Variants in PDGFD observed in about 807,000 individuals in gnomAD.
PDGFD encodes platelet derived growth factor D.
In PDGFD, 30 loss-of-function variants were observed where a neutral mutation model predicts 44.7. The ratio of observed to expected loss-of-function variants is 0.67; its 90% confidence interval spans 0.50 to 0.91. The LOEUF (loss-of-function observed/expected upper bound fraction) is 0.91. Ranked by LOEUF, PDGFD falls within the 40% of genes least tolerant of loss-of-function variation. PDGFD has a pLI of 0.00. For synonymous variants in PDGFD, 173 were observed against 168.4 expected, an observed-to-expected ratio of 1.03 and a Z score of -0.21; for missense variants, 445 against 457.8, an observed-to-expected ratio of 0.97 and a Z score of 0.25.
intron 1 of PDGFD, among the ~76,000 whole-genome samples, chr11:104,076,489 T>C (rs977278508): frequency 6.6e-6 from 1 of 152,188 alleles, no homozygotes; most frequent in Admixed American, 6.5e-5. Context: ...ATGAGAATTT[T>C]CTAATTTTGT....
chr11:104,158,521 G>T (rs1862340870), intron 1 of PDGFD, among the ~76,000 whole-genome samples: 1 of 152,234 alleles, frequency 6.6e-6, no homozygotes, highest in Non-Finnish European at 1.5e-5. Flanking sequence ...TATACAGGAG[G>T]CATTAGGGAT....
In PDGFD at chr11:103,959,621, T is replaced by C. The variant is rs143217070; in HGVS notation, c.511-11897A>G. 4.6e-3 allele frequency among the ~76,000 whole-genome samples: 707 copies of C among 152,332 alleles called. 4 individuals are homozygous for C. Among genetic ancestry groups the C allele is most frequent in the African/African-American group, 0.015 (635 of 41,574 alleles). On this transcript the variant is annotated intron_variant, in intron 3 of 6. Transcript: ENST00000393158. ...TATCTGGGCCCATTAGGTGAACTTG[T>C]TGGAACTGAGTGCCAAGCACACAGG... is the stretch of plus-strand genomic sequence containing the variant.
chr11:103,977,950 G>A (rs1859208220), intron 3 of PDGFD, among the ~76,000 whole-genome samples: 1 of 152,068 alleles, frequency 6.6e-6, no homozygotes, highest in Non-Finnish European at 1.5e-5. Context: ...TTAGAAAAGG[G>A]TTAAAGAAGG....
At chr11:103,984,845 T>C (rs1012768297) in intron 3 of PDGFD, among the ~76,000 whole-genome samples, 2 of 143,198 alleles carry the variant, frequency 1.4e-5, no homozygotes, top group Admixed American at 7.2e-5. Flanking sequence ...TTAATTTATT[T>C]AATATATAAT....
At chr11:104,139,410 G>A (rs1862052640) in intron 1 of PDGFD, among the ~76,000 whole-genome samples, 1 of 152,104 alleles carries the variant, frequency 6.6e-6, no homozygotes, top group Non-Finnish European at 1.5e-5. Context: ...GGGAAAAGCT[G>A]AGCACTAACT....
At chr11:103,968,379 G>A (rs901256169) in intron 3 of PDGFD, among the ~76,000 whole-genome samples, 2 of 151,982 alleles carry the variant, frequency 1.3e-5, no homozygotes, top group Non-Finnish European at 2.9e-5. Context: ...CATCTCCTAC[G>A]GGACGTCTGA....
At chr11:103,930,134 A>C (rs1336377162) in intron 5 of PDGFD, among the ~76,000 whole-genome samples, 2 of 152,134 alleles carry the variant, frequency 1.3e-5, no homozygotes, top group African/African-American at 2.4e-5. Context: ...ACATCAATTA[A>C]GTTTTTTGGG....
chr11:104,020,418 T>TA (rs1367901889), intron 1 of PDGFD, among the ~76,000 whole-genome samples: 6 of 152,078 alleles, frequency 3.9e-5, no homozygotes, highest in Admixed American at 3.3e-4. Flanking sequence ...TAAATGTAAG[T>TA]AAAAAATGGA....
chr11:104,154,354 A>G (rs189601829), intron 1 of PDGFD, among the ~76,000 whole-genome samples: 1 of 152,282 alleles, frequency 6.6e-6, no homozygotes, highest in African/African-American at 2.4e-5. Flanking sequence ...TTCTATCACC[A>G]TTTGAAATTT....
At chr11:104,011,721 C>T (rs1333374464) in intron 1 of PDGFD, among the ~76,000 whole-genome samples, 3 of 152,008 alleles carry the variant, frequency 2.0e-5, no homozygotes, top group Non-Finnish European at 1.5e-5. Flanking sequence ...ACTTGTAAAA[C>T]ATTTATAAAG....
rs1376484042 is a variant in PDGFD, at chr11:103,907,288, T to C, written c.*2406A>G. 2 of 152,148 alleles carry C rather than the reference T, an allele frequency of 1.3e-5. No homozygotes were observed. The highest frequency in any genetic ancestry group is 4.8e-5 in the African/African-American group (2 of 41,434). 9.4% of individuals were successfully genotyped at this position (152,148 alleles called of 1,614,324 possible). A position where few individuals can be genotyped will look rare whatever the true frequency, so the allele number is the denominator to read the frequency against. On this transcript the variant is annotated 3_prime_UTR_variant, in exon 7 of 7. Transcript: ENST00000393158. ...AGGAAAAAGCTGCATGTTACCGATATGACAAAAAACATAAAAAACTCTACT... is the reference window on the plus strand; with the variant it reads ...AGGAAAAAGCTGCATGTTACCGATACGACAAAAAACATAAAAAACTCTACT...
At chr11:104,064,352 A>G (rs1266755060) in intron 1 of PDGFD, among the ~76,000 whole-genome samples, 1 of 152,248 alleles carries the variant, frequency 6.6e-6, no homozygotes, top group Non-Finnish European at 1.5e-5. Context: ...TTGTATTTCC[A>G]AAGTATTCTT....
intron 3 of PDGFD, among the ~76,000 whole-genome samples, chr11:103,953,507 T>C (rs1789275711): frequency 6.6e-6 from 1 of 152,184 alleles, no homozygotes; most frequent in East Asian, 1.9e-4. Flanking sequence ...TAAAATGTCA[T>C]AGTAAACATC....
chr11:104,115,430 T>C (rs948532291), intron 1 of PDGFD, among the ~76,000 whole-genome samples: 1 of 151,600 alleles, frequency 6.6e-6, no homozygotes, highest in African/African-American at 2.4e-5. Context: ...TTATATACTA[T>C]ATATAATTGA....
chr11:103,937,043 C>A (rs1443173014), intron 5 of PDGFD, among the ~76,000 whole-genome samples: 1 of 152,010 alleles, frequency 6.6e-6, no homozygotes, highest in Non-Finnish European at 1.5e-5. Context: ...CCAGGCTGGT[C>A]TCTCACTCCT....
At chr11:104,032,529 T>A (rs1373648265) in intron 1 of PDGFD, among the ~76,000 whole-genome samples, 1 of 152,182 alleles carries the variant, frequency 6.6e-6, no homozygotes, top group Non-Finnish European at 1.5e-5. Flanking sequence ...ATAGTGACAT[T>A]TATGTAGGTA....
intron 1 of PDGFD, among the ~76,000 whole-genome samples, chr11:104,015,338 G>C (rs1469448415): frequency 6.6e-6 from 1 of 152,152 alleles, no homozygotes; most frequent in Non-Finnish European, 1.5e-5. Flanking sequence ...GGTACTGCTT[G>C]AAAAAGAAAT....
chr11:104,153,673 C>T (rs1008192046), intron 1 of PDGFD, among the ~76,000 whole-genome samples: 17 of 152,000 alleles, frequency 1.1e-4, no homozygotes, highest in Non-Finnish European at 2.1e-4. Context: ...ATGAATAACC[C>T]AATATGTTAC....
chr11:104,114,881 T>A (rs906084391), intron 1 of PDGFD, among the ~76,000 whole-genome samples: 1 of 144,186 alleles, frequency 6.9e-6, no homozygotes, highest in Non-Finnish European at 1.5e-5. Context: ...ATTTTTAGGT[T>A]TTTTTTTTTG....
Sources: gnomAD v4.1 joint callset for allele counts (sites outside exome capture counted in the v4.1 genomes callset) on GRCh38, gnomAD v4.1.1 for gene constraint, MANE v1.5 for transcripts, NCBI Gene and HGNC (gene_info 2026-07-23, HGNC 2026-07-21) for gene names.